Variants in ASGR2 observed in about 807,000 individuals in gnomAD.
ASGR2 encodes asialoglycoprotein receptor 2, also known as C-type lectin domain family 4 member H2.
In ASGR2, 34 loss-of-function variants were observed where a neutral mutation model predicts 32.3. The observed-to-expected ratio is 1.05, with a 90% confidence interval of 0.80 to 1.40. ASGR2 has a LOEUF of 1.40. Among genes scored for constraint, ASGR2 ranks in the 40% most tolerant of loss-of-function variants. ASGR2 has a pLI of 0.00. For missense variants in ASGR2, 385 were observed against 386.4 expected, an observed-to-expected ratio of 1.00 and a Z score of 0.03; for synonymous variants, 143 against 150.0, an observed-to-expected ratio of 0.95 and a Z score of 0.34.
At position 7,106,995 on chromosome 17, in the gene ASGR2, C is replaced by T. The variant is rs1257747575; in HGVS notation, c.648+5G>A. The T allele has an allele frequency of 6.2e-7, 1 of 1,613,990 alleles. No homozygotes were observed. The highest frequency in any genetic ancestry group is 1.3e-5 in the African/African-American group (1 of 74,908). ...TCCTCCTGCCTGTGGGAAGCGTGGC[C>T]TCACCTGCTCCTCCCAGGAGTTGAT... On this transcript the variant is annotated splice_donor_5th_base_variant and intron_variant, in intron 7 of 8. Coordinates refer to ENST00000691900, the MANE Select transcript of ASGR2 (RefSeq NM_001201352.2).
intron 2 of ASGR2, among the ~76,000 whole-genome samples, chr17:7,111,733 A>C (rs552438775): frequency 6.6e-6 from 1 of 151,684 alleles, no homozygotes; most frequent in Non-Finnish European, 1.5e-5. Context: ...ATGCGTAAGA[A>C]AAATTTAGGG....
intron 2 of ASGR2, among the ~76,000 whole-genome samples, chr17:7,110,908 G>C (rs1330005931): frequency 1.3e-5 from 2 of 152,158 alleles, no homozygotes; most frequent in Non-Finnish European, 2.9e-5. Flanking sequence ...GAGTCTGCAG[G>C]TTACAGGCCA....
intron 2 of ASGR2, among the ~76,000 whole-genome samples, chr17:7,109,113 G>A (rs1237369285): frequency 6.6e-6 from 1 of 151,780 alleles, no homozygotes; most frequent in Admixed American, 6.6e-5. Flanking sequence ...AGCTAATCTG[G>A]TGCACACACA....
chr17:7,107,624 A>C lies in ASGR2; in HGVS notation c.409+212T>G. The C allele has an allele frequency of 1.4e-6, 1 of 690,122 alleles. No individual in the cohort carries two copies. Among genetic ancestry groups the C allele is most frequent in the Admixed American group, 2.3e-5 (1 of 43,284 alleles). The allele number at this position is 690,122 out of a possible 1,614,324, so 42.7% of individuals were successfully genotyped here. Reference sequence around the variant, plus strand: ...CACCACCACACATGCATACACACACAACACACACATATACACCACACTACA... The same window carrying C: ...CACCACCACACATGCATACACACACCACACACACATATACACCACACTACA... On this transcript the variant is annotated intron_variant, in intron 5 of 8. Transcript: ENST00000691900. This position sits in a 1 kb window ranked among gnomAD's most constrained non-coding sequence, Gnocchi z 5.0.
chr17:7,107,073 G>A lies in ASGR2; in HGVS notation c.575C>T (p.Ala192Val), dbSNP rs1913820911. Residue 192 changes from alanine (A) to valine (V), a missense_variant, in exon 7 of 9, where the codon GCC (alanine) becomes GTC (valine). Coordinates refer to ENST00000691900, the MANE Select transcript of ASGR2 (RefSeq NM_001201352.2). This position sits in a 1 kb window ranked among gnomAD's most constrained non-coding sequence, Gnocchi z 5.0. ...GCAGTACTTCTCCGCCTCAGCCCAGGCCTTCCCGGAGTGAGAGAACCAGTA... is the reference window on the plus strand; with the variant it reads ...GCAGTACTTCTCCGCCTCAGCCCAGACCTTCCCGGAGTGAGAGAACCAGTA... ...SCYWFSHSGK[A>V]WAEAEKYCQL... The A allele has an allele frequency of 6.2e-7, 1 of 1,614,048 alleles. No individual in the cohort carries two copies. The highest frequency in any genetic ancestry group is 1.7e-5 in the Admixed American group (1 of 59,988).
At position 7,113,964 on chromosome 17, in the gene ASGR2, G is replaced by A. The variant is rs934166257; in HGVS notation, c.124+153C>T. On this transcript the variant is annotated intron_variant, in intron 2 of 8. Coordinates refer to ENST00000691900, the MANE Select transcript of ASGR2 (RefSeq NM_001201352.2). The surrounding 1 kb of genome is among the most constrained non-coding windows in gnomAD (Gnocchi z 5.1). ...GCACATGCCTTTCCTGGGGTCCTGG[G>A]GTAGACAGGAAGGTGAGGTGAGGGA... is the stretch of plus-strand genomic sequence containing the variant. Among the ~76,000 whole-genome samples the A allele has an allele frequency of 6.6e-6, 1 of 152,216 alleles. No homozygotes were observed. The highest frequency in any genetic ancestry group is 1.5e-5 in the Non-Finnish European group (1 of 68,046).
intron 7 of ASGR2, among the ~76,000 whole-genome samples, chr17:7,102,642 C>T (rs1029943979): frequency 3.3e-5 from 5 of 152,140 alleles, no homozygotes; most frequent in Non-Finnish European, 5.9e-5. Flanking sequence ...CCTGGGATCC[C>T]GACCCTGGTC....
rs1372913928 is a variant in ASGR2, at chr17:7,113,976, G to A, written c.124+141C>T. ...CCTGGGGTCCTGGGGTAGACAGGAA[G>A]GTGAGGTGAGGGAACAAGCGGGGGT... is the stretch of plus-strand genomic sequence containing the variant. On this transcript the variant is annotated intron_variant, in intron 2 of 8. Coordinates refer to ENST00000691900, the MANE Select transcript of ASGR2 (RefSeq NM_001201352.2). This position sits in a 1 kb window ranked among gnomAD's most constrained non-coding sequence, Gnocchi z 5.1. The A allele has an allele frequency of 3.1e-6, 4 of 1,292,182 alleles. No homozygotes were observed. Among genetic ancestry groups the A allele is most frequent in the Non-Finnish European group, 4.2e-6 (4 of 945,212 alleles). 80.0% of individuals were successfully genotyped at this position (1,292,182 alleles called of 1,614,324 possible).
Position 7,114,255 on chromosome 17 carries a change from T to A in ASGR2, c.-15A>T. 1.9e-6 allele frequency: 3 copies of A among 1,611,974 alleles called. No individual in the cohort carries two copies. The highest frequency in any genetic ancestry group is 2.5e-6 in the Non-Finnish European group (3 of 1,179,288). ...TCCTTGGCCATGATGGGGCCCGGGC[T>A]GGAGCTGGAGCTGGAGCTGGGCTGG... On this transcript the variant is annotated 5_prime_UTR_variant, in exon 2 of 9. Coordinates refer to ENST00000691900, the MANE Select transcript of ASGR2 (RefSeq NM_001201352.2). The surrounding 1 kb of genome is among the most constrained non-coding windows in gnomAD (Gnocchi z 4.5).
In ASGR2 at chr17:7,107,373, T is replaced by C. The variant is rs1597382774; in HGVS notation, c.410-56A>G. 1 of 1,573,258 alleles carries C rather than the reference T, an allele frequency of 6.4e-7. No homozygotes were observed. Among genetic ancestry groups the C allele is most frequent in the Non-Finnish European group, 8.6e-7 (1 of 1,156,786 alleles). On this transcript the variant is annotated intron_variant, in intron 5 of 8. Transcript: ENST00000691900. The surrounding 1 kb of genome is among the most constrained non-coding windows in gnomAD (Gnocchi z 5.0). ...CAGGTGTGGTCCCCACCTGCTAGGC[T>C]CCAGCCTGTGGCTGGGGAAGCATAT... is the stretch of plus-strand genomic sequence containing the variant.
intron 7 of ASGR2, among the ~76,000 whole-genome samples, chr17:7,104,989 A>AAT (rs1491192481): frequency 2.1e-4 from 27 of 130,114 alleles, no homozygotes; most frequent in African/African-American, 8.1e-4. Context: ...AAAAAAAAAA[A>AAT]TTTTTTTTTT....
At chr17:7,105,390 A>G (rs572801315) in intron 7 of ASGR2, among the ~76,000 whole-genome samples, 1 of 152,322 alleles carries the variant, frequency 6.6e-6, no homozygotes, top group African/African-American at 2.4e-5. Flanking sequence ...TGCCAGGTGC[A>G]GTTTTTGGAT....
chr17:7,102,970 C>T (rs914492890), intron 7 of ASGR2, among the ~76,000 whole-genome samples: 4 of 152,188 alleles, frequency 2.6e-5, no homozygotes, highest in African/African-American at 9.7e-5. Flanking sequence ...CGCGCACCCA[C>T]ACTCCCAGCA....
At position 7,107,573 on chromosome 17, in the gene ASGR2, GCA is replaced by G. The variant is rs1913944202; in HGVS notation, c.410-258_410-257del. On this transcript the variant is annotated intron_variant, in intron 5 of 8. Transcript: ENST00000691900. The surrounding 1 kb of genome is among the most constrained non-coding windows in gnomAD (Gnocchi z 5.0). ...TGCGTACACACACATATACCATACC[GCA>G]CACACACAGACTCATCTCACACACA... is the stretch of plus-strand genomic sequence containing the variant. 1.1e-5 allele frequency: 7 copies of G among 629,226 alleles called. No homozygotes were observed. Among genetic ancestry groups the G allele is most frequent in the South Asian group, 7.4e-5 (4 of 54,064 alleles). 39.0% of individuals were successfully genotyped at this position (629,226 alleles called of 1,614,324 possible).
In ASGR2 at chr17:7,107,480, AG is replaced by A; in HGVS notation, c.410-164del. 2 of 715,322 alleles carry A rather than the reference AG, an allele frequency of 2.8e-6. No individual in the cohort carries two copies. The highest frequency in any genetic ancestry group is 4.7e-6 in the Non-Finnish European group (2 of 422,116). 44.3% of individuals were successfully genotyped at this position (715,322 alleles called of 1,614,324 possible). A position where few individuals can be genotyped will look rare whatever the true frequency, so the allele number is the denominator to read the frequency against. On this transcript the variant is annotated intron_variant, in intron 5 of 8. Coordinates refer to ENST00000691900, the MANE Select transcript of ASGR2 (RefSeq NM_001201352.2). The surrounding 1 kb of genome is among the most constrained non-coding windows in gnomAD (Gnocchi z 5.0). Reference sequence around the variant, plus strand: ...CACCACAGACATGTACACCACACATAGACCACACCACACACAGATCCATCAC... The same window carrying A: ...CACCACAGACATGTACACCACACATAACCACACCACACACAGATCCATCAC...
chr17:7,102,945 G>A (rs1333551552), intron 7 of ASGR2, among the ~76,000 whole-genome samples: 1 of 152,130 alleles, frequency 6.6e-6, no homozygotes, highest in Non-Finnish European at 1.5e-5. Context: ...CCTGCAGATA[G>A]CTCCCCGGGA....
At chr17:7,112,251 A>G (rs1914799079) in intron 2 of ASGR2, among the ~76,000 whole-genome samples, 1 of 151,802 alleles carries the variant, frequency 6.6e-6, no homozygotes. Context: ...GGGTAGCAGA[A>G]AAAAATCAAG....
chr17:7,114,891 C>T, upstream of ASGR2: 1 of 985,670 alleles, frequency 1.0e-6, no homozygotes, highest in South Asian at 4.7e-5. This position sits in a 1 kb window ranked among gnomAD's most constrained non-coding sequence, Gnocchi z 4.5. Context: ...TATCTCTGTT[C>T]TTATTCCCAG....
In ASGR2 at chr17:7,108,826, C is replaced by G. The variant is rs1434292040; in HGVS notation, c.187G>C (p.Ala63Pro). 7.4e-6 allele frequency: 12 copies of G among 1,613,740 alleles called. No homozygotes were observed. The highest frequency in any genetic ancestry group is 1.0e-5 in the Non-Finnish European group (12 of 1,179,928). Residue 63 changes from alanine to proline, a missense_variant, in exon 3 of 9, where the codon GCC (alanine) becomes CCC (proline). Physicochemically the swap from Ala to Pro is conservative, Grantham distance 27. Transcript: ENST00000691900. The surrounding 1 kb of genome is among the most constrained non-coding windows in gnomAD (Gnocchi z 4.9). ...LCSMVCFSLL[A>P]LSFNILLLVV... ...AGCAGCAGGATGTTGAAGCTCAGGG[C>G]AAGCAGACTGAAGCAGACCATGGAG...
Sources: gnomAD v4.1 joint callset for allele counts (sites outside exome capture counted in the v4.1 genomes callset) on GRCh38, gnomAD v4.1.1 for gene constraint, Gnocchi (gnomAD v3.1) non-coding constraint, MANE v1.5 for transcripts, NCBI Gene and HGNC (gene_info 2026-07-23, HGNC 2026-07-21) for gene names.